Variants in PDXDC1 observed in about 807,000 individuals in gnomAD.
The protein encoded by PDXDC1 is pyridoxal-dependent decarboxylase domain-containing protein 1.
A neutral mutation model predicts 100.1 loss-of-function variants in PDXDC1; 42 were observed. The ratio of observed to expected loss-of-function variants is 0.42; its 90% CI spans 0.33 to 0.54. The LOEUF is 0.54. Among genes scored for constraint, PDXDC1 ranks in the 20% least tolerant of loss-of-function variants. The pLI, the probability that PDXDC1 is intolerant of heterozygous loss-of-function variation, is 0.10. For missense variants in PDXDC1, 636 were observed against 979.2 expected, an observed-to-expected ratio of 0.65 and a Z score of 4.68; for synonymous variants, 260 against 371.7, an observed-to-expected ratio of 0.70 and a Z score of 3.46.
At position 15,034,282 on chromosome 16, in the gene PDXDC1, A is replaced by T. The variant is rs777231147; in HGVS notation, c.1813-4A>T. On this transcript the variant is annotated splice_region_variant and splice_polypyrimidine_tract_variant and intron_variant, in intron 19 of 22. Coordinates refer to ENST00000396410, the MANE Select transcript of PDXDC1 (RefSeq NM_015027.4). ...AAGTAATGTCTTTCTTGGTCTTGCC[A>T]CAGCTTCTGGAAAACATGACAGAAG... The T allele has an allele frequency of 3.7e-6, 6 of 1,612,832 alleles. No homozygotes were observed. Among genetic ancestry groups the T allele is most frequent in the Middle Eastern group, 1.9e-4 (1 of 5,246 alleles).
At chr16:15,146,411 G>C in the PDXDC1 span, among the ~76,000 whole-genome samples, 9 of 152,314 alleles carry the variant, frequency 5.9e-5, no homozygotes, top group South Asian at 4.1e-4. Flanking sequence ...CCACTCGCCA[G>C]CTTACGTCAA....
rs985120281 is a variant in PDXDC1 at position 15,095,532 on chromosome 16, GAAAT to G, written c.1400-43336_1400-43333del. The stretch of plus-strand genomic sequence containing the variant: ...GGGCAACAGAGTGAGACCCTGTCTC[GAAAT>G]AAATAAATAAGTTTTTAAAAATGCA... On this transcript the variant is annotated intron_variant, in intron 16 of 16. Coordinates refer to the PDXDC1 transcript ENST00000535621. Among the ~76,000 whole-genome samples the G allele has an allele frequency of 9.2e-5, 14 of 152,060 alleles. No homozygotes were observed. In the East Asian group the frequency reaches 1.5e-3, roughly 17 times the overall value.
Position 15,037,943 on chromosome 16 carries a change from C to G in PDXDC1, c.*1668C>G. ...GGAGGGAAGGAGGCCTAAGACCCAA[C>G]AGATGTAGGATCCAGATCTGGATTC... On this transcript the variant is annotated 3_prime_UTR_variant, in exon 23 of 23. Coordinates refer to ENST00000396410, the MANE Select transcript of PDXDC1 (RefSeq NM_015027.4). 1 of 903,946 alleles carries G rather than the reference C, an allele frequency of 1.1e-6. No homozygotes were observed. Among genetic ancestry groups the G allele is most frequent in the South Asian group, 1.6e-5 (1 of 60,688 alleles). 56.0% of individuals were successfully genotyped at this position (903,946 alleles called of 1,614,324 possible).
intron 16 of PDXDC1, among the ~76,000 whole-genome samples, chr16:15,069,334 T>C (rs1236882168): frequency 2.0e-5 from 3 of 152,158 alleles, no homozygotes; most frequent in African/African-American, 7.2e-5. Context: ...ATGGCAATCG[T>C]GCAGGGTTCA....
intron 16 of PDXDC1, chr16:15,137,218 C>T (rs1344246500): frequency 1.3e-6 from 1 of 752,430 alleles, no homozygotes; most frequent in African/African-American, 1.7e-5. Context: ...GGCCGGAGGC[C>T]AGGGGTCCGT....
intron 16 of PDXDC1, chr16:15,134,048 G>C (rs904761712): frequency 3.2e-6 from 5 of 1,567,880 alleles, no homozygotes; most frequent in East Asian, 2.3e-5. Flanking sequence ...CCAGTGTCTT[G>C]TTGCTGAACG....
Position 15,133,743 on chromosome 16 carries a change from G to A in PDXDC1, c.1400-5136G>A, listed in dbSNP as rs552915945. 6.4e-3 allele frequency: 10,172 copies of A among 1,599,166 alleles called. 62 individuals carry two copies. Among genetic ancestry groups the A allele is most frequent in the Non-Finnish European group, 5.5e-3 (6,486 of 1,172,128 alleles). ...CCATGGCATCACGGGAGGGCTCCGTGACGTCACAGTCGGGGGATCCCGCTG... is the reference window on the plus strand; with the variant it reads ...CCATGGCATCACGGGAGGGCTCCGTAACGTCACAGTCGGGGGATCCCGCTG... On this transcript the variant is annotated intron_variant, in intron 16 of 16. Transcript: ENST00000535621.
At chr16:15,012,689 A>G (rs143022502) in intron 8 of PDXDC1, among the ~76,000 whole-genome samples, 4,638 of 151,738 alleles carry the variant, frequency 0.031, 46 homozygotes, top group African/African-American at 0.068. Context: ...AATCTCTACA[A>G]AAAATACTAA....
At chr16:15,040,770 G>T (rs762033790), downstream of PDXDC1, among the ~76,000 whole-genome samples, 20 of 152,160 alleles carry the variant, frequency 1.3e-4, no homozygotes, top group Non-Finnish European at 2.6e-4. Context: ...GGGGGAGAGG[G>T]AAACAAAACC....
intron 1 of PDXDC1, among the ~76,000 whole-genome samples, chr16:14,990,915 A>AT (rs1280181170): frequency 2.8e-4 from 43 of 152,354 alleles, no homozygotes; most frequent in African/African-American, 1.0e-3. Context: ...TAATTTTTGT[A>AT]TTTTTAGTAG....
intron 16 of PDXDC1, among the ~76,000 whole-genome samples, chr16:15,114,992 G>C (rs548125344): frequency 1.1e-3 from 159 of 146,790 alleles, no homozygotes; most frequent in Admixed American, 4.5e-3. Context: ...CTGGAGTGCA[G>C]TGGTGCAATC....
Position 15,037,695 on chromosome 16 carries a change from A to ATTCAGTTTATAAATCTTATTACAAAAGAC in PDXDC1, c.*1423_*1451dup, listed in dbSNP as rs2043562138. Reference sequence around the variant, plus strand: ...AGGTTCTTGAAATTGTTACCAGTGAATTCAGTTTATAAATCTTATTACAAA... The same window carrying ATTCAGTTTATAAATCTTATTACAAAAGAC: ...AGGTTCTTGAAATTGTTACCAGTGAATTCAGTTTATAAATCTTATTACAAAAGACTTCAGTTTATAAATCTTATTACAAA... On this transcript the variant is annotated 3_prime_UTR_variant, in exon 23 of 23. Coordinates refer to ENST00000396410, the MANE Select transcript of PDXDC1 (RefSeq NM_015027.4). The ATTCAGTTTATAAATCTTATTACAAAAGAC allele has an allele frequency of 5.2e-6, 1 of 192,896 alleles. No homozygotes were observed. Among genetic ancestry groups the ATTCAGTTTATAAATCTTATTACAAAAGAC allele is most frequent in the African/African-American group, 2.3e-5 (1 of 43,150 alleles). 11.9% of individuals were successfully genotyped at this position (192,896 alleles called of 1,614,324 possible). A position where few individuals can be genotyped will look rare whatever the true frequency, so the allele number is the denominator to read the frequency against.
At chr16:15,150,289 C>T in the PDXDC1 span, among the ~76,000 whole-genome samples, 1 of 151,450 alleles carries the variant, frequency 6.6e-6, no homozygotes, top group East Asian at 1.9e-4. Context: ...TGCAGTGAGC[C>T]GAGATGGCAC....
chr16:15,119,692 AG>A (rs1373145029), intron 16 of PDXDC1, among the ~76,000 whole-genome samples: 3 of 139,804 alleles, frequency 2.1e-5, no homozygotes, highest in African/African-American at 7.9e-5. Context: ...CTGGGATTAC[AG>A]GTGTGAGCCA....
At chr16:15,018,682 C>G (rs986016375) in intron 11 of PDXDC1, among the ~76,000 whole-genome samples, 158 bp from the exon 12 acceptor site, 2 of 152,218 alleles carry the variant, frequency 1.3e-5, no homozygotes, top group African/African-American at 4.8e-5. Context: ...ACCTAGAATA[C>G]TTAGCTCACA....
At chr16:15,034,664 A>C (rs1184380627) in intron 21 of PDXDC1, 111 bp downstream of exon 21, 1 of 812,864 alleles carries the variant, frequency 1.2e-6, no homozygotes, top group South Asian at 1.5e-5. Flanking sequence ...CCCGTTCTTC[A>C]TCACTGGGTG....
intron 1 of PDXDC1, among the ~76,000 whole-genome samples, chr16:14,995,292 T>C (rs1352654989): frequency 2.0e-5 from 3 of 152,394 alleles, no homozygotes; most frequent in East Asian, 1.9e-4. Context: ...CATAGATAGC[T>C]CTTATTATTT....
intron 16 of PDXDC1, chr16:15,104,596 A>G (rs766931796): frequency 6.9e-6 from 11 of 1,599,150 alleles, no homozygotes; most frequent in African/African-American, 6.7e-5. Flanking sequence ...TAGAGCAGAC[A>G]CTCCGCAGGT....
chr16:15,035,078 C>G (rs1369944630), intron 21 of PDXDC1, among the ~76,000 whole-genome samples: 1 of 152,194 alleles, frequency 6.6e-6, no homozygotes, highest in African/African-American at 2.4e-5. Flanking sequence ...CGAGCCCCTT[C>G]CTTCATTCTT....
Sources: allele counts gnomAD v4.1 joint callset (sites outside exome capture counted in the v4.1 genomes callset), GRCh38; gene constraint gnomAD v4.1.1; transcripts MANE v1.5; gene names NCBI Gene and HGNC (gene_info 2026-07-23, HGNC 2026-07-21).